Variants in LDLRAD4 observed in about 807,000 individuals in gnomAD.
LDLRAD4 encodes the protein low density lipoprotein receptor class A domain containing 4, also known as low-density lipoprotein receptor class A domain-containing protein 4.
A neutral mutation model predicts 17.0 loss-of-function variants in LDLRAD4; 5 were observed. That is an observed-to-expected ratio of 0.29 (90% CI 0.15 to 0.62). The LOEUF is 0.62. LDLRAD4 is among the 20% of genes least tolerant of loss of function. The pLI is 0.84. For missense variants in LDLRAD4, 340 were observed against 424.7 expected (o/e 0.80, Z 1.75); for synonymous variants, 168 against 171.8 (o/e 0.98, Z 0.17).
intron 1 of LDLRAD4, among the ~76,000 whole-genome samples, chr18:13,267,834 C>G (rs955219581): frequency 6.6e-5 from 10 of 152,242 alleles, no homozygotes; most frequent in Admixed American, 6.5e-4. Context: ...GAGTCACCCA[C>G]TGTCCTTCCT....
rs1013458699 is a variant in LDLRAD4 at position 13,582,724 on chromosome 18, T to C, written c.182-38393T>C. ...ACTTATTTATTTATTTTTAATTTAC[T>C]TTTCTAGAGACGAGGTCTCACTCTG... On this transcript the variant is annotated intron_variant, in intron 3 of 5. Coordinates refer to ENST00000359446, the Ensembl canonical transcript of LDLRAD4. Among the ~76,000 whole-genome samples, 9 of 152,302 alleles carry C rather than the reference T, an allele frequency of 5.9e-5. 1 individual carries two copies. The highest frequency in any genetic ancestry group is 5.9e-4 in the Admixed American group (9 of 15,296).
At chr18:13,283,832 G>A (rs191733720) in intron 1 of LDLRAD4, among the ~76,000 whole-genome samples, 154 of 152,284 alleles carry the variant, frequency 1.0e-3, no homozygotes, top group Non-Finnish European at 1.0e-3. Flanking sequence ...GAAGAAAATA[G>A]GTTTAATTGG....
intron 2 of LDLRAD4, among the ~76,000 whole-genome samples, chr18:13,436,348 C>T (rs189414714): frequency 6.6e-6 from 1 of 152,134 alleles, no homozygotes; most frequent in African/African-American, 2.4e-5. Flanking sequence ...GTCGTGTCTC[C>T]CCCCAACAAG....
At chr18:13,411,648 CT>C (rs1282715389) in intron 2 of LDLRAD4, among the ~76,000 whole-genome samples, 16 of 152,330 alleles carry the variant, frequency 1.1e-4, no homozygotes, top group South Asian at 2.1e-4. Flanking sequence ...TAAGACGTGA[CT>C]TTGCTCCTCA....
At chr18:13,388,738 C>T (rs116283754) in intron 2 of LDLRAD4, among the ~76,000 whole-genome samples, 1,813 of 152,312 alleles carry the variant, frequency 0.012, 41 homozygotes, top group African/African-American at 0.04. Flanking sequence ...CCGCAGTCGC[C>T]GTGGCTTCGG....
intron 3 of LDLRAD4, among the ~76,000 whole-genome samples, chr18:13,485,945 G>A (rs546210230): frequency 6.6e-6 from 1 of 152,182 alleles, no homozygotes; most frequent in Non-Finnish European, 1.5e-5. Context: ...CATCAGCTGT[G>A]GTTAAAAATG....
intron 1 of LDLRAD4, among the ~76,000 whole-genome samples, chr18:13,335,039 A>G (rs1485499985): frequency 6.6e-6 from 1 of 152,068 alleles, no homozygotes; most frequent in East Asian, 1.9e-4. Flanking sequence ...CTTTTTCATT[A>G]TGTGACTTAT....
chr18:13,363,992 G>A (rs779551015), intron 1 of LDLRAD4, among the ~76,000 whole-genome samples: 30 of 152,148 alleles, frequency 2.0e-4, no homozygotes, highest in Non-Finnish European at 3.4e-4. Context: ...CTTTAAAGTA[G>A]TAAACATAAA....
intron 3 of LDLRAD4, among the ~76,000 whole-genome samples, chr18:13,563,176 A>G (rs2094559207): frequency 6.6e-6 from 1 of 152,242 alleles, no homozygotes; most frequent in Non-Finnish European, 1.5e-5. Context: ...TGGAGATGAC[A>G]GGCATCTTTG....
chr18:13,418,593 G>A (rs1229212798), intron 2 of LDLRAD4, among the ~76,000 whole-genome samples: 1 of 152,114 alleles, frequency 6.6e-6, no homozygotes, highest in East Asian at 1.9e-4. Flanking sequence ...TTCAACTTTC[G>A]ACCAACCTGC....
chr18:13,521,358 T>C (rs2093950767), intron 3 of LDLRAD4: 1 of 152,246 alleles, frequency 6.6e-6, no homozygotes, highest in African/African-American at 2.4e-5. Context: ...TGTGATTTGC[T>C]ACAGGTGTAA....
At chr18:13,328,657 A>G (rs1255421896) in intron 1 of LDLRAD4, among the ~76,000 whole-genome samples, 2 of 152,206 alleles carry the variant, frequency 1.3e-5, no homozygotes, top group African/African-American at 4.8e-5. Context: ...GCTATCTTAT[A>G]TGATTGTCAC....
At chr18:13,449,967 C>T (rs2091691272) in intron 3 of LDLRAD4, among the ~76,000 whole-genome samples, 1 of 152,176 alleles carries the variant, frequency 6.6e-6, no homozygotes, top group South Asian at 2.1e-4. Context: ...GGGATGTAAG[C>T]CCGTGTCTTG....
chr18:13,482,802 C>T (rs1203825243), intron 3 of LDLRAD4, among the ~76,000 whole-genome samples: 1 of 152,200 alleles, frequency 6.6e-6, no homozygotes, highest in Non-Finnish European at 1.5e-5. Flanking sequence ...TCTAATTATG[C>T]AGATTAAGTC....
At chr18:13,639,800 A>T (rs1299290923) in intron 4 of LDLRAD4, among the ~76,000 whole-genome samples, 1 of 152,226 alleles carries the variant, frequency 6.6e-6, no homozygotes, top group African/African-American at 2.4e-5. Context: ...GTAAATAGTT[A>T]AATAAATTAT....
intron 1 of LDLRAD4, among the ~76,000 whole-genome samples, chr18:13,313,592 C>T (rs189709014): frequency 5.9e-4 from 90 of 152,338 alleles, no homozygotes; most frequent in Non-Finnish European, 1.1e-3. Flanking sequence ...CACCGTCCCC[C>T]GCACGGGGAA....
At chr18:13,495,145 T>G (rs754326232) in intron 3 of LDLRAD4, among the ~76,000 whole-genome samples, 3 of 152,142 alleles carry the variant, frequency 2.0e-5, no homozygotes, top group Non-Finnish European at 4.4e-5. Flanking sequence ...TGCAGCAGGA[T>G]TCAGAGGAAA....
rs186401675 is a variant in LDLRAD4 at position 13,521,846 on chromosome 18, T to A, written c.181+83462T>A. The A allele has an allele frequency of 1.2e-3, 181 of 150,176 alleles. 1 individual carries two copies. Among genetic ancestry groups the A allele is most frequent in the African/African-American group, 4.3e-3 (176 of 40,682 alleles). 9.3% of individuals were successfully genotyped at this position (150,176 alleles called of 1,614,324 possible). Reference sequence around the variant, plus strand: ...TAATAGACATTACTGGCACTGTAATTTGAAATCTAGTAGCCGTCTCTGTTT... The same window carrying A: ...TAATAGACATTACTGGCACTGTAATATGAAATCTAGTAGCCGTCTCTGTTT... On this transcript the variant is annotated intron_variant, in intron 3 of 5. Coordinates refer to ENST00000359446, the Ensembl canonical transcript of LDLRAD4.
chr18:13,575,614 T>G (rs1601496178), intron 3 of LDLRAD4, among the ~76,000 whole-genome samples: 2 of 152,362 alleles, frequency 1.3e-5, no homozygotes, highest in Admixed American at 1.3e-4. Context: ...CAAATGGTAG[T>G]TCTTTCTACT....
Sources: allele counts gnomAD v4.1 joint callset (sites outside exome capture counted in the v4.1 genomes callset), GRCh38; gene constraint gnomAD v4.1.1; transcripts MANE v1.5; gene names NCBI Gene and HGNC (gene_info 2026-07-23, HGNC 2026-07-21).